Variants in SDK1 observed in about 807,000 individuals in gnomAD.
The protein encoded by SDK1 is sidekick cell adhesion molecule 1, also known as protein sidekick-1.
A neutral mutation model predicts 245.5 loss-of-function variants in SDK1; 157 were observed. The observed-to-expected ratio is 0.64, with a 90% CI of 0.56 to 0.73. The LOEUF (loss-of-function observed/expected upper bound fraction) is 0.73, where lower values mean the gene tolerates loss of function less well. Among genes scored for constraint, SDK1 ranks in the 30% least tolerant of loss-of-function variants. SDK1 has a pLI of 0.00. For synonymous variants in SDK1, 1,647 were observed against 1,278.5 expected (o/e 1.29, Z -6.15); for missense variants, 3,583 against 3,002.3 (o/e 1.19, Z -4.52).
At chr7:3,695,980 CT>C (rs1784561974) in intron 4 of SDK1, among the ~76,000 whole-genome samples, 2 of 152,198 alleles carry the variant, frequency 1.3e-5, no homozygotes, top group Admixed American at 1.3e-4. Context: ...CTGGCATCTT[CT>C]TTTTTGCTTT....
chr7:4,102,954 TAAAAAA>T lies in SDK1; in HGVS notation c.3325-7692_3325-7687del, dbSNP rs34174910. ...ACTGTTTATTAGCCTTAAAAAAAGT[TAAAAAA>T]AAAAAAAAAAAAAAAAGCCGTTCAA... On this transcript the variant is annotated intron_variant, in intron 22 of 44. Transcript: ENST00000404826. 7.5e-3 allele frequency among the ~76,000 whole-genome samples: 846 copies of T among 113,238 alleles called. 8 individuals carry two copies. The highest frequency in any genetic ancestry group is 0.018 in the African/African-American group (589 of 32,968). The allele number at this position is 113,238 out of a possible 152,430, so 74.3% of individuals were successfully genotyped here. A position where few individuals can be genotyped will look rare whatever the true frequency, so the allele number is the denominator to read the frequency against.
intron 1 of SDK1, among the ~76,000 whole-genome samples, chr7:3,513,831 T>C (rs1349644290): frequency 1.3e-5 from 2 of 152,052 alleles, no homozygotes; most frequent in East Asian, 1.9e-4. Context: ...CACATCTTTA[T>C]ATCCATGTGT....
chr7:3,731,169 G>T (rs116867418), intron 4 of SDK1, among the ~76,000 whole-genome samples: 8 of 152,128 alleles, frequency 5.3e-5, no homozygotes, highest in African/African-American at 1.9e-4. Context: ...GGTGACGGGC[G>T]GAGAGCTGGT....
intron 25 of SDK1, among the ~76,000 whole-genome samples, chr7:4,121,401 G>A (rs1280166020): frequency 6.6e-6 from 1 of 152,132 alleles, no homozygotes; most frequent in African/African-American, 2.4e-5. Context: ...CTGTTCTCAT[G>A]ATAGTGAGTG....
rs78615219 is a variant in SDK1 at position 3,719,421 on chromosome 7, G to C, written c.713+77316G>C. The stretch of plus-strand genomic sequence containing the variant: ...CTGTATCCTGACAGTAATCGTGACT[G>C]TGTGGTACTGGCAAAGGAAAAGAGA... On this transcript the variant is annotated intron_variant, in intron 4 of 44. Coordinates refer to ENST00000404826, the MANE Select transcript of SDK1 (RefSeq NM_152744.4). Among the ~76,000 whole-genome samples, 868 of 152,216 alleles carry C rather than the reference G, an allele frequency of 5.7e-3. 7 individuals are homozygous for C. Among genetic ancestry groups the C allele is most frequent in the African/African-American group, 0.02 (818 of 41,546 alleles).
chr7:3,607,100 A>G (rs913295622), intron 1 of SDK1, among the ~76,000 whole-genome samples: 8 of 152,154 alleles, frequency 5.3e-5, no homozygotes, highest in African/African-American at 1.9e-4. Context: ...GTGGTTTGTG[A>G]AGCCCCTAAA....
intron 5 of SDK1, among the ~76,000 whole-genome samples, chr7:3,924,468 A>G (rs1422967547): frequency 6.6e-6 from 1 of 152,040 alleles, no homozygotes; most frequent in Non-Finnish European, 1.5e-5. Flanking sequence ...GATCTCCCCC[A>G]CCCCTGCTGC....
Position 4,161,702 on chromosome 7 carries a change from C to T in SDK1, c.4730-84C>T, listed in dbSNP as rs1038194324. The stretch of plus-strand genomic sequence containing the variant: ...AGGAGGCAGGGCTCACCAGCCTCCC[C>T]ATACTCACTGAGGGTGGCCCTGGGA... On this transcript the variant is annotated intron_variant, in intron 31 of 44. Transcript: ENST00000404826. 15 of 1,111,538 alleles carry T rather than the reference C, an allele frequency of 1.3e-5. No homozygotes were observed. In the Middle Eastern group the frequency reaches 8.7e-4, roughly 64 times the overall value. The allele number at this position is 1,111,538 out of a possible 1,614,324, so 68.9% of individuals were successfully genotyped here.
At chr7:4,019,692 G>T (rs1464126241) in intron 17 of SDK1, among the ~76,000 whole-genome samples, 1 of 152,020 alleles carries the variant, frequency 6.6e-6, no homozygotes, top group Non-Finnish European at 1.5e-5. Flanking sequence ...GGCTTCTGTA[G>T]CAGCACCATC....
chr7:3,597,697 G>C (rs1440435677), intron 1 of SDK1, among the ~76,000 whole-genome samples: 1 of 152,216 alleles, frequency 6.6e-6, no homozygotes, highest in Non-Finnish European at 1.5e-5. Flanking sequence ...GCCTAGGGGA[G>C]AGGGGCTCAG....
At chr7:3,962,576 T>C (rs1781784557) in intron 8 of SDK1, 81 bp from the exon 9 acceptor site, 1 of 1,230,266 alleles carries the variant, frequency 8.1e-7, no homozygotes, top group South Asian at 1.5e-5. Flanking sequence ...ATATTGGCAT[T>C]CTAGCCTTTG....
chr7:4,049,518 C>T (rs1053155082), intron 18 of SDK1, 55 bp downstream of exon 18: 11 of 1,358,106 alleles, frequency 8.1e-6, no homozygotes, highest in Admixed American at 1.7e-5. Flanking sequence ...GGAGCCACAG[C>T]GCGACGCAGC....
chr7:4,211,889 G>A (rs1784532439), intron 38 of SDK1, among the ~76,000 whole-genome samples: 1 of 152,172 alleles, frequency 6.6e-6, no homozygotes, highest in Admixed American at 6.5e-5. Flanking sequence ...GATTACAGGC[G>A]TGAGCCACCG....
At chr7:4,127,546 A>T (rs1318742334) in intron 26 of SDK1, 50 bp downstream of exon 26, 11 of 1,362,210 alleles carry the variant, frequency 8.1e-6, no homozygotes, top group Non-Finnish European at 1.1e-5. Context: ...GGGCTGGGGA[A>T]ATGGGAGCAT....
intron 1 of SDK1, among the ~76,000 whole-genome samples, chr7:3,560,283 A>G (rs573474065): frequency 6.6e-6 from 1 of 152,142 alleles, no homozygotes; most frequent in South Asian, 2.1e-4. Context: ...CATTTTATTG[A>G]TGTACTGTCT....
intron 4 of SDK1, among the ~76,000 whole-genome samples, chr7:3,664,792 T>A (rs1783477316): frequency 6.6e-6 from 1 of 151,922 alleles, no homozygotes; most frequent in Non-Finnish European, 1.5e-5. Flanking sequence ...GAGCTTTTGG[T>A]CTGCTTTCAA....
chr7:4,250,434 C>T lies in SDK1; in HGVS notation c.6381+4629C>T, dbSNP rs1787220162. Among the ~76,000 whole-genome samples the T allele has an allele frequency of 3.9e-5, 6 of 152,112 alleles. No individual in the cohort carries two copies. In the South Asian group the frequency reaches 1.2e-3, roughly 32 times the overall value. Reference sequence around the variant, plus strand: ...TCTCAGCTCCCTCTAACCTCCGCCTCCTGGGTTCAAGCAATTCTCATGCCT... The same window carrying T: ...TCTCAGCTCCCTCTAACCTCCGCCTTCTGGGTTCAAGCAATTCTCATGCCT... On this transcript the variant is annotated intron_variant, in intron 44 of 44. Transcript: ENST00000404826.
At chr7:3,473,493 A>C (rs1781247273) in intron 1 of SDK1, among the ~76,000 whole-genome samples, 2 of 152,182 alleles carry the variant, frequency 1.3e-5, no homozygotes, top group African/African-American at 4.8e-5. Context: ...GGTTTAAACC[A>C]GTAGTTTGTG....
chr7:3,562,772 A>G (rs565886219), intron 1 of SDK1, among the ~76,000 whole-genome samples: 3 of 152,246 alleles, frequency 2.0e-5, no homozygotes, highest in East Asian at 1.9e-4. Context: ...TTCCAGCCCA[A>G]TTGTCACTCA....
Sources: allele counts gnomAD v4.1 joint callset (sites outside exome capture counted in the v4.1 genomes callset), GRCh38; gene constraint gnomAD v4.1.1; transcripts MANE v1.5; gene names NCBI Gene and HGNC (gene_info 2026-07-23, HGNC 2026-07-21).